SNRPN: variants seen among roughly 807,000 people sequenced by gnomAD.
SNRPN encodes small nuclear ribonucleoprotein-associated protein N.
Under a neutral mutation model 25.2 loss-of-function variants are expected in SNRPN, and 7 were observed. The observed-to-expected ratio is 0.28, with a 90% CI of 0.16 to 0.52. The LOEUF (loss-of-function observed/expected upper bound fraction) is 0.52. Among genes scored for constraint, SNRPN ranks in the 20% least tolerant of loss-of-function variants. The pLI is 0.96. For missense variants in SNRPN, 196 were observed against 322.5 expected, an observed-to-expected ratio of 0.61 and a Z score of 3.00; for synonymous variants, 124 against 110.6, an observed-to-expected ratio of 1.12 and a Z score of -0.76.
At chr15:24,831,583 T>C (rs1204698204) in intron 2 of SNRPN, among the ~76,000 whole-genome samples, 2 of 151,998 alleles carry the variant, frequency 1.3e-5, no homozygotes, top group East Asian at 3.9e-4. Flanking sequence ...TTTCTTCCTA[T>C]CTAACTGAAA....
At chr15:24,840,864 C>T (rs531585762) in intron 2 of SNRPN, among the ~76,000 whole-genome samples, 10 of 151,766 alleles carry the variant, frequency 6.6e-5, no homozygotes, top group South Asian at 4.2e-4. Flanking sequence ...TTCTTTTTTT[C>T]GAGACGGAGT....
intron 2 of SNRPN, among the ~76,000 whole-genome samples, chr15:24,895,371 G>C (rs903060751): frequency 4.3e-4 from 64 of 149,370 alleles, no homozygotes; most frequent in African/African-American, 1.5e-3. Flanking sequence ...TGAATATATT[G>C]TCAGAGCATT....
At chr15:24,900,029 G>T (rs936830866) in intron 2 of SNRPN, among the ~76,000 whole-genome samples, 2 of 152,184 alleles carry the variant, frequency 1.3e-5, no homozygotes, top group Admixed American at 1.3e-4. Flanking sequence ...ATGACATGCA[G>T]TGGTATCACA....
chr15:24,884,417 A>G (rs184772138), intron 1 of SNRPN, among the ~76,000 whole-genome samples: 1 of 152,308 alleles, frequency 6.6e-6, no homozygotes. Flanking sequence ...CTTGGTGTAA[A>G]GGTATGCATT....
intron 3 of SNRPN, among the ~76,000 whole-genome samples, chr15:24,922,173 A>T (rs1340441508): frequency 2.0e-5 from 3 of 152,152 alleles, no homozygotes; most frequent in Admixed American, 1.3e-4. Flanking sequence ...AGATCGTGCC[A>T]TTGCACTCTA....
chr15:24,924,009 A>C (rs2060220936), intron 3 of SNRPN, among the ~76,000 whole-genome samples: 1 of 146,186 alleles, frequency 6.8e-6, no homozygotes, highest in Admixed American at 7.0e-5. Context: ...TTTAGTAGAA[A>C]TGAGGTTTCA....
At chr15:24,875,637 C>T (rs1030101383) in intron 1 of SNRPN, among the ~76,000 whole-genome samples, 1 of 152,074 alleles carries the variant, frequency 6.6e-6, no homozygotes, top group Non-Finnish European at 1.5e-5. Flanking sequence ...AAGAGTTTTC[C>T]ACTGGGCATG....
intron 2 of SNRPN, among the ~76,000 whole-genome samples, chr15:24,897,780 A>C (rs1179101262): frequency 6.6e-6 from 1 of 152,170 alleles, no homozygotes; most frequent in Non-Finnish European, 1.5e-5. Flanking sequence ...GCCTGCCACC[A>C]TGTAACATGT....
chr15:24,919,135 A>G (rs1459211018), intron 2 of SNRPN, among the ~76,000 whole-genome samples: 11 of 150,940 alleles, frequency 7.3e-5, no homozygotes, highest in Non-Finnish European at 1.5e-4. Flanking sequence ...TGTGCGTTAA[A>G]AAGTTATTCA....
At chr15:24,831,483 C>T (rs892170687) in intron 2 of SNRPN, among the ~76,000 whole-genome samples, 8 of 151,912 alleles carry the variant, frequency 5.3e-5, no homozygotes, top group African/African-American at 1.9e-4. Flanking sequence ...TTTTTCGTGG[C>T]AAGAACACTT....
chr15:24,971,919 T>A (rs2076455752), intron 3 of SNRPN, among the ~76,000 whole-genome samples: 1 of 152,158 alleles, frequency 6.6e-6, no homozygotes, highest in Non-Finnish European at 1.5e-5. Flanking sequence ...CCTTGTTGTC[T>A]CTTTGGATGG....
chr15:24,871,321 A>G (rs1019992307), intron 1 of SNRPN, among the ~76,000 whole-genome samples: 1 of 151,974 alleles, frequency 6.6e-6, no homozygotes, highest in Admixed American at 6.6e-5. Flanking sequence ...AATTCCATCT[A>G]CTTCACCTAT....
At chr15:24,950,181 C>CA (rs1566943327), upstream of SNRPN, among the ~76,000 whole-genome samples, 2 of 144,374 alleles carry the variant, frequency 1.4e-5, no homozygotes. Flanking sequence ...CAGTTTTTAA[C>CA]TTTTTTTTTT....
At chr15:24,851,375 T>C (rs1250237967) in intron 2 of SNRPN, 1 of 152,134 alleles carries the variant, frequency 6.6e-6, no homozygotes, top group Admixed American at 6.6e-5. Context: ...TGAAATGGAA[T>C]GGACAAGGAA....
intron 1 of SNRPN, among the ~76,000 whole-genome samples, chr15:24,875,639 C>G (rs2055782504): frequency 6.6e-6 from 1 of 152,258 alleles, no homozygotes; most frequent in South Asian, 2.1e-4. Context: ...GAGTTTTCCA[C>G]TGGGCATGGT....
intron 2 of SNRPN, among the ~76,000 whole-genome samples, chr15:24,965,017 C>A (rs138625179): frequency 6.6e-6 from 1 of 152,012 alleles, no homozygotes; most frequent in East Asian, 1.9e-4. Context: ...AATTTTTCCC[C>A]CTTGTGCGTT....
At chr15:24,883,520 C>A (rs961815834) in intron 1 of SNRPN, among the ~76,000 whole-genome samples, 1 of 152,190 alleles carries the variant, frequency 6.6e-6, no homozygotes, top group Non-Finnish European at 1.5e-5. Context: ...TCTGTCCCTG[C>A]ATCCTCCACC....
intron 2 of SNRPN, among the ~76,000 whole-genome samples, chr15:24,887,295 G>A (rs755817514): frequency 2.6e-5 from 4 of 151,918 alleles, no homozygotes; most frequent in Non-Finnish European, 5.9e-5. Flanking sequence ...TTACAGGCAT[G>A]CGCCACCATG....
rs2076824378 is a variant in SNRPN at position 24,974,410 on chromosome 15, A to C, written c.-44A>C. ...AGCCTTCCCCTAGGTCTTCAGAAGC[A>C]TCAAGTTTTAACTGTGGACATTGGA... On this transcript the variant is annotated 5_prime_UTR_variant, in exon 4 of 10. Coordinates refer to ENST00000390687, the MANE Select transcript of SNRPN (RefSeq NM_003097.6). 1.2e-6 allele frequency: 2 copies of C among 1,605,912 alleles called. No individual in the cohort carries two copies. The highest frequency in any genetic ancestry group is 1.7e-6 in the Non-Finnish European group (2 of 1,172,692).
Sources: allele counts gnomAD v4.1 joint callset (sites outside exome capture counted in the v4.1 genomes callset), GRCh38; gene constraint gnomAD v4.1.1; transcripts MANE v1.5; gene names NCBI Gene and HGNC (gene_info 2026-07-23, HGNC 2026-07-21).